The following ARFGAP3 variants were observed in gnomAD, a reference collection of about 807,000 sequenced individuals.
The protein encoded by ARFGAP3 is ARF GTPase activating protein 3.
ARFGAP3 carries 72 observed loss-of-function variants against 75.0 expected under a neutral mutation model. That is an observed-to-expected ratio of 0.96 (90% confidence interval 0.79 to 1.17). The LOEUF is 1.17. Among genes scored for constraint, ARFGAP3 ranks in the 50% most tolerant of loss-of-function variants. The pLI is 0.00. For synonymous variants in ARFGAP3, 221 were observed against 217.9 expected (o/e 1.01, Z -0.13); for missense variants, 620 against 626.6 (o/e 0.99, Z 0.11).
rs574615000 is a variant in ARFGAP3, at chr22:42,831,095, T to G, written c.565+454A>C. On this transcript the variant is annotated intron_variant, in intron 6 of 15. Coordinates refer to ENST00000263245, the MANE Select transcript of ARFGAP3 (RefSeq NM_014570.5). ...CGGGTGGATCACCTGAGGTCAGGAG[T>G]TCGAGATCAGCATGGCCAACATGGT... 2.0e-5 allele frequency among the ~76,000 whole-genome samples: 3 copies of G among 151,240 alleles called. No homozygotes were observed. In the South Asian group the frequency reaches 6.3e-4, roughly 32 times the overall value.
At chr22:42,855,036 A>G (rs1241594664) in intron 1 of ARFGAP3, among the ~76,000 whole-genome samples, 2 of 152,218 alleles carry the variant, frequency 1.3e-5, no homozygotes, top group Non-Finnish European at 1.5e-5. Context: ...TCCTACTCTA[A>G]GTGTTTTTCT....
intron 9 of ARFGAP3, among the ~76,000 whole-genome samples, chr22:42,821,806 G>A (rs1925824118): frequency 6.6e-6 from 1 of 152,118 alleles, no homozygotes; most frequent in South Asian, 2.1e-4. Flanking sequence ...CTGAAGGACT[G>A]CCAAACTGTT....
At position 42,834,222 on chromosome 22, in the gene ARFGAP3, A is replaced by G. The variant is rs1213680841; in HGVS notation, c.477+20T>C. On this transcript the variant is annotated intron_variant, in intron 5 of 15. Coordinates refer to ENST00000263245, the MANE Select transcript of ARFGAP3 (RefSeq NM_014570.5). ...GTCAGAGTAAGCACACTTTAAAATGATGTGAAGCATAATACATACCTCAGG... is the reference window on the plus strand; with the variant it reads ...GTCAGAGTAAGCACACTTTAAAATGGTGTGAAGCATAATACATACCTCAGG... The G allele has an allele frequency of 6.2e-7, 1 of 1,605,896 alleles. No homozygotes were observed. Among genetic ancestry groups the G allele is most frequent in the East Asian group, 2.2e-5 (1 of 44,792 alleles).
rs142174138 is a variant in ARFGAP3 at position 42,828,964 on chromosome 22, C to T, written c.566-1965G>A. ...CCATCCAAAGTGTTGGGATTATAGG[C>T]GTGAGCCACTGTGCCTGGCCTCAAA... On this transcript the variant is annotated intron_variant, in intron 6 of 15. Coordinates refer to ENST00000263245, the MANE Select transcript of ARFGAP3 (RefSeq NM_014570.5). 6.8e-3 allele frequency among the ~76,000 whole-genome samples: 1,033 copies of T among 152,212 alleles called. 13 individuals carry two copies. Among genetic ancestry groups the T allele is most frequent in the African/African-American group, 0.023 (973 of 41,532 alleles).
Position 42,852,070 on chromosome 22 carries a change from C to CT in ARFGAP3, c.70-4439dup, listed in dbSNP as rs777750657. ...TGCTCTGCTGTCTCATCTTGAAATT[C>CT]TTTTTTTTTTTTTTTGAGATAGGGT... On this transcript the variant is annotated intron_variant, in intron 1 of 15. Coordinates refer to ENST00000263245, the MANE Select transcript of ARFGAP3 (RefSeq NM_014570.5). Among the ~76,000 whole-genome samples the CT allele has an allele frequency of 1.7e-3, 230 of 136,406 alleles. 1 individual carries two copies. Among genetic ancestry groups the CT allele is most frequent in the East Asian group, 2.7e-3 (13 of 4,768 alleles). 89.5% of individuals were successfully genotyped at this position (136,406 alleles called of 152,430 possible).
chr22:42,817,734 G>A lies in ARFGAP3; in HGVS notation c.936C>T (p.Cys312=), dbSNP rs1296428500. The change falls in exon 10 of 16, where the codon TGC becomes TGT. Residue 312 remains cysteine (C), a synonymous_variant. Coordinates refer to ENST00000263245, the MANE Select transcript of ARFGAP3 (RefSeq NM_014570.5). The stretch of plus-strand genomic sequence containing the variant: ...AAGAAAGCAGTCTCACATACCTTCT[G>A]CAATTTCCAAATCCCATGCCGAGTC... The part of the protein sequence containing the change: ...SDRLGMGFGN[C]RSVISHSVTS... 7 of 1,610,752 alleles carry A rather than the reference G, an allele frequency of 4.3e-6. No homozygotes were observed. In the Admixed American group the frequency reaches 5.0e-5, roughly 12 times the overall value.
Position 42,843,513 on chromosome 22 carries a change from C to T in ARFGAP3, c.189-2497G>A, listed in dbSNP as rs531455503. ...GCCTCCCAAGTGCTGGGATTACAGG[C>T]GCAAGCCACCATGCCCGGCCTTGTC... On this transcript the variant is annotated intron_variant, in intron 2 of 15. Coordinates refer to ENST00000263245, the MANE Select transcript of ARFGAP3 (RefSeq NM_014570.5). Among the ~76,000 whole-genome samples the T allele has an allele frequency of 2.4e-4, 37 of 152,234 alleles. No homozygotes were observed. In the South Asian group the frequency reaches 7.2e-3, roughly 30 times the overall value.
At chr22:42,817,310 T>C (rs756047923) in intron 10 of ARFGAP3, 46 bp from the exon 11 acceptor site, 46 of 1,549,452 alleles carry the variant, frequency 3.0e-5, no homozygotes, top group Admixed American at 2.6e-4. Flanking sequence ...TCACAAACTT[T>C]TGTTTCACCA....
rs558911372 is a variant in ARFGAP3 at position 42,831,457 on chromosome 22, C to A, written c.565+92G>T. On this transcript the variant is annotated intron_variant, in intron 6 of 15. Transcript: ENST00000263245. ...AAAGTGCTGGGATTACAGGCATGAG[C>A]CACTGTGCCTGGCCCATCTTAATTT... The A allele has an allele frequency of 3.4e-5, 45 of 1,313,630 alleles. No individual in the cohort carries two copies. In the East Asian group the frequency reaches 9.0e-4, roughly 26 times the overall value. 81.4% of individuals were successfully genotyped at this position (1,313,630 alleles called of 1,614,324 possible). A position where few individuals can be genotyped will look rare whatever the true frequency, so the allele number is the denominator to read the frequency against.
chr22:42,851,452 C>G (rs1200082560), intron 1 of ARFGAP3, among the ~76,000 whole-genome samples: 1 of 152,206 alleles, frequency 6.6e-6, no homozygotes, highest in Non-Finnish European at 1.5e-5. Flanking sequence ...AATGTAGCCC[C>G]ATGAGGGGGG....
chr22:42,833,483 T>C (rs1169481029), intron 5 of ARFGAP3, among the ~76,000 whole-genome samples: 1 of 152,128 alleles, frequency 6.6e-6, no homozygotes, highest in Non-Finnish European at 1.5e-5. Context: ...TGGTGGGGTA[T>C]GGTGGCTCAC....
intron 3 of ARFGAP3, among the ~76,000 whole-genome samples, chr22:42,840,080 A>G (rs2146573126): frequency 6.6e-6 from 1 of 152,012 alleles, no homozygotes; most frequent in Non-Finnish European, 1.5e-5. Context: ...ACAGGTATGC[A>G]CCACCATGAT....
intron 3 of ARFGAP3, among the ~76,000 whole-genome samples, chr22:42,840,709 G>A (rs571385039): frequency 7.9e-5 from 12 of 152,122 alleles, no homozygotes; most frequent in Admixed American, 5.9e-4. Flanking sequence ...GATTACAGGC[G>A]TGAGACACCA....
intron 1 of ARFGAP3, among the ~76,000 whole-genome samples, chr22:42,848,594 A>G (rs1214790171): frequency 6.6e-6 from 1 of 152,118 alleles, no homozygotes. Flanking sequence ...CTTATCCTTG[A>G]AGCATCAGCA....
rs368212279 is a variant in ARFGAP3 at position 42,816,454 on chromosome 22, G to A, written c.1064+688C>T. ...CTGTGCCCTCTCCAGTGAAATCACA[G>A]GTTCATTTTGTGCCTTTTTAGCAGA... On this transcript the variant is annotated intron_variant, in intron 11 of 15. Transcript: ENST00000263245. Among the ~76,000 whole-genome samples, 1,289 of 143,770 alleles carry A rather than the reference G, an allele frequency of 9.0e-3. 24 individuals carry two copies. Among genetic ancestry groups the A allele is most frequent in the African/African-American group, 0.033 (1,227 of 37,410 alleles). 94.3% of individuals were successfully genotyped at this position (143,770 alleles called of 152,430 possible).
chr22:42,820,854 C>T lies in ARFGAP3; in HGVS notation c.812+1416G>A, dbSNP rs115368908. On this transcript the variant is annotated intron_variant, in intron 9 of 15. Transcript: ENST00000263245. ...AGCCTTACAAAAGTCTACGGAAAACCGATCTCTTCACTGGCCTCCTGGCTT... is the reference window on the plus strand; with the variant it reads ...AGCCTTACAAAAGTCTACGGAAAACTGATCTCTTCACTGGCCTCCTGGCTT... Among the ~76,000 whole-genome samples, 824 of 152,204 alleles carry T rather than the reference C, an allele frequency of 5.4e-3. 6 individuals are homozygous for T. The highest frequency in any genetic ancestry group is 0.018 in the African/African-American group (753 of 41,512).
At chr22:42,829,197 G>C (rs1926177577) in intron 6 of ARFGAP3, among the ~76,000 whole-genome samples, 1 of 152,212 alleles carries the variant, frequency 6.6e-6, no homozygotes, top group Non-Finnish European at 1.5e-5. Context: ...AGAGCTCACA[G>C]CTCAGCAGAG....
At chr22:42,826,908 T>C (rs771762239) in intron 7 of ARFGAP3, 32 bp downstream of exon 7, 2 of 1,599,442 alleles carry the variant, frequency 1.3e-6, no homozygotes, top group Non-Finnish European at 1.7e-6. Flanking sequence ...TCATACACTT[T>C]AAATCAGAAT....
chr22:42,816,958 C>T (rs937182155), intron 11 of ARFGAP3, among the ~76,000 whole-genome samples, 184 bp downstream of exon 11: 4 of 152,164 alleles, frequency 2.6e-5, no homozygotes, highest in African/African-American at 4.8e-5. Context: ...TATTAGCCAA[C>T]GTTGTTCTTT....
Sources: allele counts gnomAD v4.1 joint callset (sites outside exome capture counted in the v4.1 genomes callset), GRCh38; gene constraint gnomAD v4.1.1; transcripts MANE v1.5; gene names NCBI Gene and HGNC (gene_info 2026-07-23, HGNC 2026-07-21).